TUSC3: variants seen among roughly 807,000 people sequenced by gnomAD.
The protein encoded by TUSC3 is tumor suppressor candidate 3.
A neutral mutation model predicts 44.8 loss-of-function variants in TUSC3; 45 were observed. The observed-to-expected ratio is 1.00, with a 90% CI of 0.79 to 1.29. The LOEUF (loss-of-function observed/expected upper bound fraction) is 1.29, where lower values mean the gene tolerates loss of function less well. TUSC3 is among the 50% of genes most tolerant of loss of function. TUSC3 has a pLI of 0.00. For synonymous variants in TUSC3, 212 were observed against 152.9 expected, an observed-to-expected ratio of 1.39 and a Z score of -2.85; for missense variants, 519 against 437.9, an observed-to-expected ratio of 1.19 and a Z score of -1.65.
chr8:15,423,889 G>T (rs1407302172), intron 1 of TUSC3, among the ~76,000 whole-genome samples: 1 of 148,542 alleles, frequency 6.7e-6, no homozygotes, highest in Non-Finnish European at 1.5e-5. Flanking sequence ...GATTACCCCT[G>T]TTGTGTGGGG....
At chr8:15,622,204 C>G (rs1230937945) in intron 1 of TUSC3, among the ~76,000 whole-genome samples, 1 of 152,120 alleles carries the variant, frequency 6.6e-6, no homozygotes, top group Admixed American at 6.5e-5. Flanking sequence ...GTTTCTTTGT[C>G]TTGTAGGAAT....
intron 1 of TUSC3, among the ~76,000 whole-genome samples, chr8:15,473,648 T>C (rs1462569051): frequency 6.6e-6 from 1 of 152,290 alleles, no homozygotes; most frequent in African/African-American, 2.4e-5. Context: ...AGGACCGTGC[T>C]ACCCACCTGA....
intron 6 of TUSC3, among the ~76,000 whole-genome samples, chr8:15,720,854 G>A (rs1413260676): frequency 6.6e-6 from 1 of 152,062 alleles, no homozygotes; most frequent in Non-Finnish European, 1.5e-5. Flanking sequence ...GATAATGATC[G>A]AAGGGCAATA....
At chr8:15,771,887 G>C in the TUSC3 span, among the ~76,000 whole-genome samples, 1 of 152,208 alleles carries the variant, frequency 6.6e-6, no homozygotes, top group Middle Eastern at 3.4e-3. Context: ...AGGAGGTCGA[G>C]ACCATCCTGG....
At chr8:15,719,629 A>G (rs979084949) in intron 6 of TUSC3, among the ~76,000 whole-genome samples, 54 of 152,086 alleles carry the variant, frequency 3.6e-4, no homozygotes, top group African/African-American at 1.3e-3. Flanking sequence ...TGTATTAGAC[A>G]CTCAATAAAT....
intron 2 of TUSC3, among the ~76,000 whole-genome samples, chr8:15,624,437 G>T (rs1331504381): frequency 6.6e-6 from 1 of 152,196 alleles, no homozygotes; most frequent in African/African-American, 2.4e-5. Context: ...CCAGCCATCA[G>T]TGTGTTTAGT....
chr8:15,534,878 C>G (rs1585079093), intron 2 of TUSC3, among the ~76,000 whole-genome samples: 1 of 152,190 alleles, frequency 6.6e-6, no homozygotes, highest in Non-Finnish European at 1.5e-5. Flanking sequence ...TACTTGAACG[C>G]AGTTTGAACA....
intron 2 of TUSC3, among the ~76,000 whole-genome samples, chr8:15,505,751 A>T (rs541758029): frequency 3.3e-5 from 5 of 151,990 alleles, no homozygotes; most frequent in African/African-American, 9.6e-5. Context: ...GTTAAAATGT[A>T]TTTTTTTTCT....
intron 1 of TUSC3, among the ~76,000 whole-genome samples, chr8:15,565,308 C>T (rs780293647): frequency 6.6e-6 from 1 of 152,042 alleles, no homozygotes; most frequent in African/African-American, 2.4e-5. Context: ...GTTACAGAGA[C>T]CCTTACTATT....
intron 1 of TUSC3, among the ~76,000 whole-genome samples, chr8:15,611,550 A>G (rs1346558265): frequency 2.6e-5 from 4 of 152,198 alleles, no homozygotes; most frequent in Non-Finnish European, 5.9e-5. Flanking sequence ...CATTATCTCT[A>G]GAGAGACCAT....
intron 6 of TUSC3, among the ~76,000 whole-genome samples, chr8:15,725,774 A>G (rs1265723201): frequency 6.6e-6 from 1 of 152,202 alleles, no homozygotes; most frequent in East Asian, 1.9e-4. Context: ...GGTCTTACTC[A>G]TGAAACCCAG....
At chr8:15,483,649 A>ATATTTTTTTTTTTTTTTT (rs1800694380) in intron 2 of TUSC3, among the ~76,000 whole-genome samples, 2 of 66,160 alleles carry the variant, frequency 3.0e-5, no homozygotes, top group African/African-American at 1.1e-4. Context: ...TAGCACTGTG[A>ATATTTTTTTTTTTTTTTT]TTTTTTTTTT....
At chr8:15,768,716 T>G (rs1204503284), downstream of TUSC3, among the ~76,000 whole-genome samples, 1 of 152,192 alleles carries the variant, frequency 6.6e-6, no homozygotes, top group Admixed American at 6.5e-5. Flanking sequence ...CCAAATCCCC[T>G]TAAGCTGATA....
rs1297202380 is a variant in TUSC3, at chr8:15,540,469, G to C, written c.39G>C (p.Ala13=). The C allele has an allele frequency of 1.2e-6, 2 of 1,606,730 alleles. No individual in the cohort carries two copies. The highest frequency in any genetic ancestry group is 1.7e-6 in the Non-Finnish European group (2 of 1,177,410). The change falls in exon 1 of 11, where the codon GCG becomes GCC. Residue 13 remains alanine (A), a synonymous_variant. Transcript: ENST00000503731. ...ARGAPSRRRQ[A]GRRLRYLPTG... ...GCGCTCCTTCACGCCGTAGGCAAGC[G>C]GGGCGGCGGCTGCGGTACCTGCCCA...
chr8:15,800,231 TG>T, the TUSC3 span, among the ~76,000 whole-genome samples: 7 of 152,164 alleles, frequency 4.6e-5, no homozygotes, highest in African/African-American at 1.7e-4. Flanking sequence ...ATTTGCTCTT[TG>T]TAGCTTTCTT....
chr8:15,499,512 C>T (rs147194520), intron 2 of TUSC3, among the ~76,000 whole-genome samples: 20 of 152,262 alleles, frequency 1.3e-4, no homozygotes, highest in African/African-American at 4.8e-4. Context: ...ATTTGAAGTT[C>T]ATGTCAATGG....
chr8:15,515,822 C>T (rs748907584), intron 2 of TUSC3, among the ~76,000 whole-genome samples: 2 of 151,974 alleles, frequency 1.3e-5, no homozygotes, highest in African/African-American at 4.8e-5. Context: ...CTCTCGCCAC[C>T]ACACCCGGCT....
At chr8:15,424,066 C>T (rs1251281353) in intron 1 of TUSC3, among the ~76,000 whole-genome samples, 2 of 133,074 alleles carry the variant, frequency 1.5e-5, no homozygotes, top group African/African-American at 5.4e-5. Context: ...TCTTGGCTCA[C>T]TGCAACCTCT....
the TUSC3 span, chr8:15,806,670 G>A: frequency 9.6e-7 from 1 of 1,038,480 alleles, no homozygotes; most frequent in Non-Finnish European, 1.5e-6. Context: ...TGCCCAGTAG[G>A]ACCTTTCCCA....
Sources: allele counts gnomAD v4.1 joint callset (sites outside exome capture counted in the v4.1 genomes callset), GRCh38; gene constraint gnomAD v4.1.1; transcripts MANE v1.5; gene names NCBI Gene and HGNC (gene_info 2026-07-23, HGNC 2026-07-21).